The following TENT5D variants were observed in gnomAD, a reference collection of about 807,000 sequenced individuals.
The protein encoded by TENT5D is cancer/testis antigen 112.
For missense variants in TENT5D, 191 were observed against 287.0 expected, an observed-to-expected ratio of 0.67 and a Z score of 2.42; for synonymous variants, 103 against 100.6, an observed-to-expected ratio of 1.02 and a Z score of -0.15.
chrX:80,381,898 C>T (rs1296230337), intron 3 of TENT5D, among the ~76,000 whole-genome samples: 1 of 111,846 alleles, frequency 8.9e-6, no homozygotes, highest in Admixed American at 9.5e-5. Flanking sequence ...GCAATGAGTT[C>T]GAACATCCTT....
chrX:80,360,476 A>G (rs1185299830), intron 3 of TENT5D, among the ~76,000 whole-genome samples: 1 of 112,376 alleles, frequency 8.9e-6, no homozygotes, highest in African/African-American at 3.2e-5. Context: ...CCATACTCAA[A>G]CTGGCAAAAT....
chrX:80,341,936 C>T (rs1289876015), intron 2 of TENT5D, among the ~76,000 whole-genome samples: 1 of 108,405 alleles, frequency 9.2e-6, no homozygotes, highest in Non-Finnish European at 1.9e-5. Context: ...TGGTCTCGAT[C>T]TCCTGACCTC....
At chrX:80,433,588 A>C (rs1932127956) in intron 1 of TENT5D, among the ~76,000 whole-genome samples, 2 of 111,938 alleles carry the variant, frequency 1.8e-5, no homozygotes, top group South Asian at 7.4e-4. Context: ...GGGAAAGCTT[A>C]TGAGCACCAA....
At chrX:80,339,858 T>A (rs1929923531) in intron 2 of TENT5D, among the ~76,000 whole-genome samples, 1 of 102,247 alleles carries the variant, frequency 9.8e-6, no homozygotes, top group Non-Finnish European at 2.0e-5. Context: ...TTATCGGAAA[T>A]ATATATATAT....
intron 3 of TENT5D, among the ~76,000 whole-genome samples, chrX:80,398,733 A>C (rs1273457718): frequency 3.7e-5 from 4 of 108,946 alleles, no homozygotes; most frequent in Non-Finnish European, 5.7e-5. Flanking sequence ...ATGTGGATTA[A>C]TTTCTGGATT....
chrX:80,443,313 A>G (rs1362968957), exon 3 of TENT5D: 1 of 1,209,573 alleles, frequency 8.3e-7, no homozygotes, highest in South Asian at 1.8e-5. Flanking sequence ...TCAAAAACCT[A>G]GAACGTTATA....
At chrX:80,349,481 A>G (rs953570049) in intron 3 of TENT5D, among the ~76,000 whole-genome samples, 2 of 111,131 alleles carry the variant, frequency 1.8e-5, no homozygotes, top group African/African-American at 3.3e-5. Flanking sequence ...GGTAGTTTGT[A>G]TTACTGTGGG....
intron 3 of TENT5D, among the ~76,000 whole-genome samples, chrX:80,365,736 G>A (rs1930495670): frequency 9.1e-6 from 1 of 109,513 alleles, no homozygotes; most frequent in African/African-American, 3.3e-5. Context: ...AGCTACTCGG[G>A]AGGCTGAGGC....
chrX:80,349,746 G>T (rs892932014), intron 3 of TENT5D, among the ~76,000 whole-genome samples: 1 of 110,759 alleles, frequency 9.0e-6, no homozygotes, highest in Non-Finnish European at 1.9e-5. Flanking sequence ...TGATGTTAGG[G>T]TGTCGATATT....
chrX:80,420,521 G>T (rs1413539287), exon 1 of TENT5D: 1 of 111,500 alleles, frequency 9.0e-6, no homozygotes, highest in East Asian at 2.8e-4. Context: ...AGTCTTCAGA[G>T]TAAGACTGTT....
intron 1 of TENT5D, among the ~76,000 whole-genome samples, chrX:80,425,721 A>T (rs1366832403): frequency 8.9e-6 from 1 of 112,134 alleles, no homozygotes; most frequent in Non-Finnish European, 1.9e-5. Context: ...ATGGTTTTAG[A>T]ACATATGTTA....
intron 1 of TENT5D, among the ~76,000 whole-genome samples, chrX:80,422,608 G>A (rs1455666439): frequency 1.8e-5 from 2 of 111,830 alleles, no homozygotes; most frequent in Admixed American, 1.9e-4. Context: ...GGTTTGAGGA[G>A]AGCAGCAGTT....
At chrX:80,400,457 G>A (rs1266387967) in intron 3 of TENT5D, among the ~76,000 whole-genome samples, 1 of 111,409 alleles carries the variant, frequency 9.0e-6, no homozygotes, top group East Asian at 2.8e-4. Flanking sequence ...AATGAAGCCC[G>A]CAAATTCATC....
At chrX:80,434,620 A>G (rs907083127) in intron 1 of TENT5D, among the ~76,000 whole-genome samples, 1 of 110,916 alleles carries the variant, frequency 9.0e-6, no homozygotes, top group Non-Finnish European at 1.9e-5. Context: ...TGGTATATGA[A>G]CCTTATTGCA....
At chrX:80,437,252 A>C (rs1932200032) in intron 1 of TENT5D, among the ~76,000 whole-genome samples, 1 of 112,085 alleles carries the variant, frequency 8.9e-6, no homozygotes, top group East Asian at 2.8e-4. Flanking sequence ...AGCCAGACAC[A>C]AAGTTAATGA....
intron 3 of TENT5D, among the ~76,000 whole-genome samples, chrX:80,348,905 C>T (rs1930119626): frequency 8.9e-6 from 1 of 112,039 alleles, no homozygotes; most frequent in Non-Finnish European, 1.9e-5. Flanking sequence ...TTTTCTGCAT[C>T]TATTGAGATA....
chrX:80,438,215 C>A (rs1384198054), intron 1 of TENT5D, among the ~76,000 whole-genome samples: 1 of 110,223 alleles, frequency 9.1e-6, no homozygotes, highest in East Asian at 2.9e-4. Flanking sequence ...CCCTGACCAG[C>A]AGCATTAGCA....
At position 80,442,257 on chromosome X, in the gene TENT5D, C is replaced by G. The variant is rs1438626981; in HGVS notation, c.-18-265C>G. The stretch of plus-strand genomic sequence containing the variant: ...ATGAAGCAAGATTAAAAAAGGCTAC[C>G]ATTTTATATCAACAGTCATTACAAC... On this transcript the variant is annotated intron_variant, in intron 2 of 2. Transcript: ENST00000308293. 2.7e-5 allele frequency among the ~76,000 whole-genome samples: 3 copies of G among 111,262 alleles called. No individual in the cohort carries two copies. The South Asian group carries it at 1.1e-3, about 41-fold the overall frequency.
At chrX:80,403,286 A>G (rs779888399) in intron 3 of TENT5D, among the ~76,000 whole-genome samples, 156 of 112,422 alleles carry the variant, frequency 1.4e-3, no homozygotes, top group Non-Finnish European at 2.3e-3. Flanking sequence ...GGTTTAAAAA[A>G]ATGAATCTTA....
Sources: gnomAD v4.1 joint callset for allele counts (sites outside exome capture counted in the v4.1 genomes callset) on GRCh38, gnomAD v4.1.1 for gene constraint, MANE v1.5 for transcripts, NCBI Gene and HGNC (gene_info 2026-07-23, HGNC 2026-07-21) for gene names.